TP53BP1: variants seen among roughly 807,000 people sequenced by gnomAD.
The protein encoded by TP53BP1 is tumor protein p53 binding protein 1.
TP53BP1 carries 61 observed loss-of-function variants against 200.8 expected under a neutral mutation model. The observed-to-expected ratio is 0.30, with a 90% confidence interval of 0.25 to 0.38. The LOEUF (loss-of-function observed/expected upper bound fraction) is 0.38. Among genes scored for constraint, TP53BP1 ranks in the 10% least tolerant of loss-of-function variants. The pLI is 1.00. For missense variants in TP53BP1, 2,144 were observed against 2,371.9 expected (o/e 0.90, Z 2.00); for synonymous variants, 822 against 844.3 (o/e 0.97, Z 0.46).
At chr15:43,500,377 G>A (rs2079203395) in intron 1 of TP53BP1, among the ~76,000 whole-genome samples, 1 of 151,838 alleles carries the variant, frequency 6.6e-6, no homozygotes, top group Admixed American at 6.6e-5. Flanking sequence ...AGCAACAAAT[G>A]CTCAATCTTC....
chr15:43,459,814 C>T (rs867524698), intron 11 of TP53BP1, among the ~76,000 whole-genome samples: 20 of 151,888 alleles, frequency 1.3e-4, no homozygotes, highest in Middle Eastern at 3.2e-3. Flanking sequence ...TACAGGTGGG[C>T]GCCACAACAC....
At chr15:43,490,516 G>A (rs368752875) in intron 4 of TP53BP1, among the ~76,000 whole-genome samples, 2 of 151,888 alleles carry the variant, frequency 1.3e-5, no homozygotes, top group African/African-American at 2.4e-5. Flanking sequence ...GAGCCACTGC[G>A]CCCAGCCAAA....
At chr15:43,496,212 C>A (rs552165282), upstream of TP53BP1, among the ~76,000 whole-genome samples, 1 of 152,272 alleles carries the variant, frequency 6.6e-6, no homozygotes, top group East Asian at 1.9e-4. Flanking sequence ...AGAAATTTTT[C>A]TTCTAATATT....
chr15:43,482,098 A>G (rs1011356659), intron 4 of TP53BP1, among the ~76,000 whole-genome samples: 5 of 151,226 alleles, frequency 3.3e-5, no homozygotes, highest in East Asian at 2.0e-4. Context: ...GCGTGGTGGC[A>G]GGTGCCTGTA....
Position 43,420,698 on chromosome 15 carries a change from T to G in TP53BP1, c.4288A>C (p.Ile1430Leu). 2 of 1,614,118 alleles carry G rather than the reference T, an allele frequency of 1.2e-6. No individual in the cohort carries two copies. Among genetic ancestry groups the G allele is most frequent in the Non-Finnish European group, 1.7e-6 (2 of 1,180,010 alleles). Residue 1430 changes from isoleucine to leucine, a missense_variant, in exon 21 of 28, where the codon ATT (isoleucine) becomes CTT (leucine). Around this residue, in one of 4 missense-constraint regions of TP53BP1, gnomAD observed 1,700 missense variants for 1,710.3 expected, o/e 0.99. Transcript: ENST00000382044. Reference sequence around the variant, plus strand: ...TCATCTGGTGACAAGTTAGGTGAAATGTCCTCTATGCCCAAGGGGCCAGGC... The same window carrying G: ...TCATCTGGTGACAAGTTAGGTGAAAGGTCCTCTATGCCCAAGGGGCCAGGC... ...AVPGPLGIED[I>L]SPNLSPDDKS...
At chr15:43,486,856 G>A (rs953690522) in intron 4 of TP53BP1, among the ~76,000 whole-genome samples, 1 of 152,040 alleles carries the variant, frequency 6.6e-6, no homozygotes, top group Non-Finnish European at 1.5e-5. Flanking sequence ...AAACTCCTGA[G>A]CTCAAGTGAT....
rs1387546504 is a variant in TP53BP1, at chr15:43,406,621, T to TGC, written c.*760_*761dup. On this transcript the variant is annotated 3_prime_UTR_variant, in exon 28 of 28. Coordinates refer to ENST00000382044, the MANE Select transcript of TP53BP1 (RefSeq NM_001141980.3). The stretch of plus-strand genomic sequence containing the variant: ...TACAGAAAAAAACCTTGTTGACCCC[T>TGC]GCTTTAGAGAATGAGAAGCCATGCA... The TGC allele has an allele frequency of 2.2e-6, 1 of 455,908 alleles. No individual in the cohort carries two copies. Among genetic ancestry groups the TGC allele is most frequent in the African/African-American group, 2.0e-5 (1 of 50,054 alleles). 28.2% of individuals were successfully genotyped at this position (455,908 alleles called of 1,614,324 possible).
intron 8 of TP53BP1, 70 bp from the exon 9 acceptor site, chr15:43,475,764 T>C: frequency 1.3e-6 from 2 of 1,544,038 alleles, no homozygotes; most frequent in Non-Finnish European, 1.8e-6. Context: ...CATTCAGTAC[T>C]GCAAAGAGTA....
At chr15:43,446,337 C>G (rs750172854) in intron 14 of TP53BP1, 50 bp downstream of exon 14, 2 of 1,365,562 alleles carry the variant, frequency 1.5e-6, no homozygotes, top group Non-Finnish European at 2.1e-6. Context: ...AATCAATACT[C>G]CCCAGATAAT....
chr15:43,415,463 G>A (rs113104277), intron 23 of TP53BP1, 131 bp downstream of exon 23: 13 of 913,896 alleles, frequency 1.4e-5, no homozygotes, highest in African/African-American at 9.8e-5. Flanking sequence ...TCACCTGTGG[G>A]CTTGGGCAGG....
chr15:43,429,152 A>G (rs2045617460), intron 17 of TP53BP1, among the ~76,000 whole-genome samples: 1 of 152,214 alleles, frequency 6.6e-6, no homozygotes, highest in African/African-American at 2.4e-5. Flanking sequence ...GCCCGAGTTC[A>G]TATTTTAGTC....
chr15:43,426,086 ATTT>A (rs1308750348), intron 18 of TP53BP1, among the ~76,000 whole-genome samples: 1 of 151,590 alleles, frequency 6.6e-6, no homozygotes, highest in Non-Finnish European at 1.5e-5. Flanking sequence ...AACAAAAAAT[ATTT>A]TTAAAATGAA....
Position 43,406,308 on chromosome 15 carries a change from G to A in TP53BP1, c.*1075C>T. 3.9e-6 allele frequency: 1 copy of A among 253,546 alleles called. No homozygotes were observed. The highest frequency in any genetic ancestry group is 4.8e-5 in the Admixed American group (1 of 20,642). 15.7% of individuals were successfully genotyped at this position (253,546 alleles called of 1,614,324 possible). ...TGCAGTGTTCTGGCATCAGGTTATA[G>A]TCACTGCATCTGGTTTTCATCACTA... On this transcript the variant is annotated 3_prime_UTR_variant, in exon 28 of 28. Coordinates refer to ENST00000382044, the MANE Select transcript of TP53BP1 (RefSeq NM_001141980.3).
chr15:43,492,598 A>G (rs1207449860), intron 1 of TP53BP1, 130 bp from the exon 2 acceptor site: 2 of 669,004 alleles, frequency 3.0e-6, no homozygotes, highest in Non-Finnish European at 5.1e-6. Flanking sequence ...TCCAATTAGA[A>G]TATTATATTT....
chr15:43,467,590 G>C (rs982446085), intron 11 of TP53BP1, among the ~76,000 whole-genome samples: 2 of 152,000 alleles, frequency 1.3e-5, no homozygotes, highest in Non-Finnish European at 2.9e-5. Context: ...CTTCAACAGT[G>C]CCTTGTTTTT....
At chr15:43,424,446 T>C (rs1212551444) in intron 18 of TP53BP1, among the ~76,000 whole-genome samples, 1 of 152,258 alleles carries the variant, frequency 6.6e-6, no homozygotes, top group Non-Finnish European at 1.5e-5. Context: ...TTTAACTAGA[T>C]ACACTTGTGT....
chr15:43,491,528 T>C (rs554024587), intron 4 of TP53BP1, 141 bp downstream of exon 4: 3 of 707,162 alleles, frequency 4.2e-6, no homozygotes, highest in Admixed American at 2.1e-5. Context: ...ATTACAATAC[T>C]ATCTAATACA....
At position 43,411,187 on chromosome 15, in the gene TP53BP1, C is replaced by A. The variant is rs116316094; in HGVS notation, c.5306-1446G>T. 4.4e-3 allele frequency among the ~76,000 whole-genome samples: 671 copies of A among 152,286 alleles called. 6 individuals are homozygous for A. Among genetic ancestry groups the A allele is most frequent in the African/African-American group, 0.015 (634 of 41,556 alleles). ...TTTGTCTAATGAAGTATTACCCTGTCTAGGCAGTGTGTTTCTCTAATTTTT... is the reference window on the plus strand; with the variant it reads ...TTTGTCTAATGAAGTATTACCCTGTATAGGCAGTGTGTTTCTCTAATTTTT... On this transcript the variant is annotated intron_variant, in intron 24 of 27. Coordinates refer to ENST00000382044, the MANE Select transcript of TP53BP1 (RefSeq NM_001141980.3).
intron 24 of TP53BP1, among the ~76,000 whole-genome samples, chr15:43,411,915 T>C (rs1036516347): frequency 2.6e-5 from 4 of 152,148 alleles, no homozygotes; most frequent in Admixed American, 6.5e-5. Context: ...TCCAGCAATA[T>C]TGTAAAAGGG....
Sources: allele counts gnomAD v4.1 joint callset (sites outside exome capture counted in the v4.1 genomes callset), GRCh38; gene constraint gnomAD v4.1.1; regional missense constraint gnomAD v4.1.1; transcripts MANE v1.5; gene names NCBI Gene and HGNC (gene_info 2026-07-23, HGNC 2026-07-21).